ESR1: variants seen among roughly 807,000 people sequenced by gnomAD.
The protein encoded by ESR1 is estrogen receptor 1.
Under a neutral mutation model 52.7 loss-of-function variants are expected in ESR1, and 12 were observed. The observed-to-expected ratio is 0.23, with a 90% CI of 0.15 to 0.37. The LOEUF (loss-of-function observed/expected upper bound fraction) is 0.37, where lower values mean the gene tolerates loss of function less well. Among genes scored for constraint, ESR1 ranks in the 10% least tolerant of loss-of-function variants. The probability of loss-of-function intolerance (pLI) is 1.00; values close to 1 mark genes in which losing one functional copy is unlikely to be tolerated. For synonymous variants in ESR1, 305 were observed against 316.8 expected, an observed-to-expected ratio of 0.96 and a Z score of 0.39; for missense variants, 584 against 779.7, an observed-to-expected ratio of 0.75 and a Z score of 2.99.
chr6:151,845,330 G>A (rs1784933883), intron 2 of ESR1, among the ~76,000 whole-genome samples: 1 of 152,140 alleles, frequency 6.6e-6, no homozygotes, highest in Non-Finnish European at 1.5e-5. Context: ...CAGCAGTTTG[G>A]GAGGCTGAGG....
chr6:151,868,933 T>C (rs1790450054), intron 2 of ESR1, among the ~76,000 whole-genome samples: 1 of 152,116 alleles, frequency 6.6e-6, no homozygotes, highest in Non-Finnish European at 1.5e-5. Context: ...AACGTTCAGG[T>C]GTGACAGCTT....
chr6:151,830,682 G>C (rs767010935), intron 1 of ESR1, among the ~76,000 whole-genome samples: 14 of 152,140 alleles, frequency 9.2e-5, no homozygotes, highest in Non-Finnish European at 1.8e-4. Context: ...ACTGACAAAA[G>C]ATAAAAAGAT....
chr6:151,935,829 A>C (rs573505908), intron 3 of ESR1, among the ~76,000 whole-genome samples: 1 of 152,298 alleles, frequency 6.6e-6, no homozygotes, highest in South Asian at 2.1e-4. Context: ...AGCTTTTCTA[A>C]ATTTCTGTAA....
At chr6:151,704,834 A>C (rs920301177) in intron 2 of ESR1, among the ~76,000 whole-genome samples, 2 of 152,092 alleles carry the variant, frequency 1.3e-5, no homozygotes, top group Non-Finnish European at 2.9e-5. Context: ...AAGACTACCC[A>C]GCTGGCAATG....
intron 3 of ESR1, among the ~76,000 whole-genome samples, chr6:151,915,650 T>C (rs1464913653): frequency 1.3e-5 from 2 of 152,216 alleles, no homozygotes; most frequent in Non-Finnish European, 2.9e-5. Flanking sequence ...GTTCTACTTA[T>C]CATTGGACTA....
rs371590513 is a variant in ESR1, at chr6:151,899,681, A to G, written c.760+18910A>G. 3.1e-4 allele frequency among the ~76,000 whole-genome samples: 45 copies of G among 144,954 alleles called. No homozygotes were observed. In the East Asian group the frequency reaches 7.2e-3, roughly 23 times the overall value. Reference sequence around the variant, plus strand: ...CTGAGGGGCTCCTCACTTCTCAGACAGGGCGGTTGCCAGGCAGAGGGTCTC... The same window carrying G: ...CTGAGGGGCTCCTCACTTCTCAGACGGGGCGGTTGCCAGGCAGAGGGTCTC... On this transcript the variant is annotated intron_variant, in intron 3 of 7. Coordinates refer to ENST00000206249, the MANE Select transcript of ESR1 (RefSeq NM_000125.4).
At chr6:151,924,423 TTTTTA>T (rs1463625320) in intron 3 of ESR1, among the ~76,000 whole-genome samples, 4 of 152,190 alleles carry the variant, frequency 2.6e-5, no homozygotes, top group Admixed American at 6.5e-5. Context: ...TTAATTTTTA[TTTTTA>T]TTTTATTTTG....
intron 2 of ESR1, among the ~76,000 whole-genome samples, chr6:151,873,697 T>C (rs1791356247): frequency 6.6e-6 from 1 of 152,254 alleles, no homozygotes; most frequent in African/African-American, 2.4e-5. Flanking sequence ...TAGGTTTTCC[T>C]TTGGCCAAAT....
chr6:152,093,943 T>C (rs1349700484), intron 6 of ESR1, among the ~76,000 whole-genome samples: 1 of 152,222 alleles, frequency 6.6e-6, no homozygotes, highest in African/African-American at 2.4e-5. Flanking sequence ...AAGCTCTGCC[T>C]ACCTACTATC....
intron 4 of ESR1, among the ~76,000 whole-genome samples, chr6:151,964,642 C>CCTTCT (rs1562604497): frequency 1.8e-5 from 1 of 56,256 alleles, no homozygotes. Flanking sequence ...TCCCTATTTT[C>CCTTCT]TTTCTTTTTT....
chr6:151,898,384 A>ATTTTTTTTTTTTTTTCTTTTTTTTTTTT (rs1795885227), intron 3 of ESR1, among the ~76,000 whole-genome samples: 1 of 101,220 alleles, frequency 9.9e-6, no homozygotes, highest in Non-Finnish European at 2.2e-5. Flanking sequence ...GGTTTTGTTC[A>ATTTTTTTTTTTTTTTCTTTTTTTTTTTT]TTTTTTTTTT....
chr6:151,834,197 GC>G (rs1782906122), intron 1 of ESR1, among the ~76,000 whole-genome samples: 1 of 152,148 alleles, frequency 6.6e-6, no homozygotes, highest in Non-Finnish European at 1.5e-5. Context: ...CCCATTACTG[GC>G]TATATACCTA....
At chr6:151,843,502 T>C (rs1784631204) in intron 2 of ESR1, among the ~76,000 whole-genome samples, 1 of 152,222 alleles carries the variant, frequency 6.6e-6, no homozygotes, top group South Asian at 2.1e-4. Context: ...TATTGCATTA[T>C]AATAGGATAC....
chr6:151,755,489 T>G lies in ESR1; in HGVS notation c.-70-52354T>G, dbSNP rs1784214759. On this transcript the variant is annotated intron_variant, in intron 2 of 2. Coordinates refer to the ESR1 transcript ENST00000404742. ...CCATTGCTACCCACCTGCTCTTAGT[T>G]ATCACCAGAGTTCCCTGGAGTGTTG... 3.9e-5 allele frequency among the ~76,000 whole-genome samples: 6 copies of G among 152,276 alleles called. No individual in the cohort carries two copies. The South Asian group carries it at 1.0e-3, about 26-fold the overall frequency.
chr6:151,806,414 T>G (rs997753738), upstream of ESR1, among the ~76,000 whole-genome samples: 1 of 151,756 alleles, frequency 6.6e-6, no homozygotes, highest in African/African-American at 2.4e-5. Flanking sequence ...AAACAAAGTA[T>G]TGATAGTTGT....
At position 151,849,624 on chromosome 6, in the gene ESR1, A is replaced by G. The variant is rs535256099; in HGVS notation, c.643+6837A>G. Reference sequence around the variant, plus strand: ...GCGACACTGCACTCCAGCCTGGGCGACAGAGTGAGACTTCATCTCAAAAAA... The same window carrying G: ...GCGACACTGCACTCCAGCCTGGGCGGCAGAGTGAGACTTCATCTCAAAAAA... On this transcript the variant is annotated intron_variant, in intron 2 of 7. Transcript: ENST00000206249. Among the ~76,000 whole-genome samples, 3 of 150,390 alleles carry G rather than the reference A, an allele frequency of 2.0e-5. No homozygotes were observed. The Admixed American group carries it at 2.0e-4, about 10-fold the overall frequency.
At chr6:152,114,766 C>T (rs1054557065) in intron 6 of ESR1, among the ~76,000 whole-genome samples, 59 of 150,614 alleles carry the variant, frequency 3.9e-4, no homozygotes, top group Non-Finnish European at 7.1e-4. Flanking sequence ...TGGCGGGCGC[C>T]TGTAGTCCCA....
chr6:151,764,657 A>G (rs1018215169), intron 2 of ESR1, among the ~76,000 whole-genome samples: 19 of 152,200 alleles, frequency 1.2e-4, no homozygotes, highest in African/African-American at 4.3e-4. Flanking sequence ...AAAAACGGTT[A>G]TGTTGTTACA....
chr6:151,670,174 C>G (rs183306549), intron 1 of ESR1, among the ~76,000 whole-genome samples: 1 of 152,152 alleles, frequency 6.6e-6, no homozygotes, highest in South Asian at 2.1e-4. Context: ...TGGTCGTGGC[C>G]GGGCCTTCCT....
Sources: gnomAD v4.1 joint callset for allele counts (sites outside exome capture counted in the v4.1 genomes callset) on GRCh38, gnomAD v4.1.1 for gene constraint, MANE v1.5 for transcripts, NCBI Gene and HGNC (gene_info 2026-07-23, HGNC 2026-07-21) for gene names.